SLC1A7: variants seen among roughly 807,000 people sequenced by gnomAD.
SLC1A7 encodes excitatory amino acid transporter 5.
A neutral mutation model predicts 47.7 loss-of-function variants in SLC1A7; 40 were observed. The observed-to-expected ratio is 0.84, with a 90% CI of 0.65 to 1.09. The LOEUF is 1.09. Ranked by LOEUF, SLC1A7 falls within the 50% of genes least tolerant of loss-of-function variation. The probability of loss-of-function intolerance (pLI) is 0.00; values close to 1 mark genes in which losing one functional copy is unlikely to be tolerated. For missense variants in SLC1A7, 746 were observed against 769.5 expected (o/e 0.97, Z 0.36); for synonymous variants, 323 against 325.6 (o/e 0.99, Z 0.09).
intron 5 of SLC1A7, among the ~76,000 whole-genome samples, chr1:53,100,110 G>A (rs1169727836): frequency 2.7e-5 from 4 of 148,208 alleles, no homozygotes; most frequent in East Asian, 4.1e-4. Context: ...ACACCACCTC[G>A]ACACACTCAT....
intron 6 of SLC1A7, 130 bp downstream of exon 6, chr1:53,093,331 G>C: frequency 2.7e-6 from 2 of 738,080 alleles, no homozygotes; most frequent in Non-Finnish European, 4.4e-6. Context: ...TGTAGCTCCG[G>C]AGGCCCCGGC....
At chr1:53,106,254 G>A (rs763308675) in intron 3 of SLC1A7, among the ~76,000 whole-genome samples, 5 of 151,882 alleles carry the variant, frequency 3.3e-5, no homozygotes, top group Admixed American at 6.6e-5. Flanking sequence ...GGCCTAACAC[G>A]GGACCTCGCA....
At chr1:53,106,512 G>A (rs575687747) in intron 3 of SLC1A7, among the ~76,000 whole-genome samples, 21 of 151,480 alleles carry the variant, frequency 1.4e-4, no homozygotes, top group African/African-American at 5.1e-4. Flanking sequence ...GCTGAGGCAG[G>A]AGAATGGCGT....
intron 8 of SLC1A7, chr1:53,090,295 C>A (rs1265817807): frequency 1.8e-6 from 1 of 542,990 alleles, no homozygotes; most frequent in African/African-American, 1.9e-5. Flanking sequence ...CAGGGTCAGA[C>A]CTGTGTGCTT....
chr1:53,106,663 T>C (rs943840549), intron 3 of SLC1A7, among the ~76,000 whole-genome samples: 5 of 150,822 alleles, frequency 3.3e-5, no homozygotes, highest in African/African-American at 1.2e-4. Flanking sequence ...GAAAAGTCCA[T>C]GTAAGCTGTA....
intron 3 of SLC1A7, chr1:53,108,300 A>C: frequency 2.5e-6 from 1 of 407,856 alleles, no homozygotes. Flanking sequence ...CACACGGAGA[A>C]CATTTGGAAG....
intron 5 of SLC1A7, among the ~76,000 whole-genome samples, chr1:53,097,293 A>G (rs1320957677): frequency 1.8e-5 from 2 of 110,072 alleles, no homozygotes; most frequent in African/African-American, 3.6e-5. Context: ...CACTCACACA[A>G]CCCACCTCGG....
At position 53,136,638 on chromosome 1, in the gene SLC1A7, A is replaced by AT. The variant is rs1557693480; in HGVS notation, c.136-2210_136-2209insA. Among the ~76,000 whole-genome samples, 155 of 42,790 alleles carry AT rather than the reference A, an allele frequency of 3.6e-3. 1 individual carries two copies. The highest frequency in any genetic ancestry group is 0.026 in the South Asian group (25 of 948). The allele number at this position is 42,790 out of a possible 152,430, so 28.1% of individuals were successfully genotyped here. The stretch of plus-strand genomic sequence containing the variant: ...TATATATAAACATATATAATATATA[A>AT]AAACATATATATATTATATATATAT... On this transcript the variant is annotated intron_variant, in intron 1 of 10. Coordinates refer to ENST00000371494, the MANE Select transcript of SLC1A7 (RefSeq NM_006671.6).
Position 53,114,809 on chromosome 1 carries a change from T to G in SLC1A7, c.380A>C (p.Gln127Pro), listed in dbSNP as rs1644738757. Residue 127 changes from glutamine (Q) to proline (P), a missense_variant, in exon 3 of 11, where the codon CAG becomes CCG. By Grantham distance (76) the Gln-to-Pro change is moderately conservative. Coordinates refer to ENST00000371494, the MANE Select transcript of SLC1A7 (RefSeq NM_006671.6). ...GSAAQKETTE[Q>P]SGKPIMSSAD... ...TGAGCTCATGATGGGCTTCCCACTC[T>G]GCTCCGTGGTCTCCTTCTGGGCCGC... 1.2e-6 allele frequency: 2 copies of G among 1,614,072 alleles called. No homozygotes were observed. The highest frequency in any genetic ancestry group is 2.7e-5 in the African/African-American group (2 of 74,950).
chr1:53,133,146 C>T (rs754754204), intron 2 of SLC1A7, among the ~76,000 whole-genome samples: 5 of 152,218 alleles, frequency 3.3e-5, no homozygotes, highest in Non-Finnish European at 7.3e-5. Context: ...TAATCAGCTG[C>T]ACCCATGGCT....
chr1:53,106,149 C>A (rs1183299390), intron 3 of SLC1A7, among the ~76,000 whole-genome samples: 2 of 151,792 alleles, frequency 1.3e-5, no homozygotes, highest in Non-Finnish European at 2.9e-5. Context: ...TGCTGCTCCG[C>A]CACACCACCG....
At chr1:53,092,452 G>A in intron 7 of SLC1A7, 102 bp downstream of exon 7, 1 of 832,738 alleles carries the variant, frequency 1.2e-6, no homozygotes, top group Non-Finnish European at 2.0e-6. Flanking sequence ...GGCCACACTG[G>A]CGTTTTGGTG....
intron 5 of SLC1A7, among the ~76,000 whole-genome samples, chr1:53,097,913 C>T (rs1322066267): frequency 7.1e-6 from 1 of 141,148 alleles, no homozygotes; most frequent in Non-Finnish European, 1.6e-5. Flanking sequence ...CACACCCCCA[C>T]CTTGGTATAC....
chr1:53,116,472 G>C (rs1447212284), intron 2 of SLC1A7, among the ~76,000 whole-genome samples: 1 of 152,236 alleles, frequency 6.6e-6, no homozygotes, highest in Non-Finnish European at 1.5e-5. Context: ...GAATGAATGA[G>C]TGTTTACAAT....
At chr1:53,122,169 G>A (rs1007495152) in intron 2 of SLC1A7, among the ~76,000 whole-genome samples, 1 of 152,180 alleles carries the variant, frequency 6.6e-6, no homozygotes, top group Admixed American at 6.5e-5. Context: ...TTGAGAAGTG[G>A]TGACCTCCCA....
At chr1:53,111,009 A>C (rs1037863090) in intron 3 of SLC1A7, among the ~76,000 whole-genome samples, 2 of 152,176 alleles carry the variant, frequency 1.3e-5, no homozygotes, top group Admixed American at 1.3e-4. Context: ...TCCAGGATAC[A>C]GCAGGGAACG....
intron 5 of SLC1A7, among the ~76,000 whole-genome samples, chr1:53,097,562 A>G (rs1288416): frequency 0.64 from 96,162 of 149,572 alleles, 33,392 homozygotes; most frequent in Non-Finnish European, 0.77. Flanking sequence ...GTACAATCAC[A>G]CACACCACCT....
Position 53,088,213 on chromosome 1 carries a change from G to C in SLC1A7, c.1479C>G (p.Cys493Trp). ...RDTGTEKLLPCETKPVSLQEI... is the reference protein window; with the variant it reads ...RDTGTEKLLPWETKPVSLQEI... Reference sequence around the variant, plus strand: ...CCTGGAGGCTCACTGGCTTGGTCTCGCAGGGCAGCAGTTTCTGGTGAAGGG... The same window carrying C: ...CCTGGAGGCTCACTGGCTTGGTCTCCCAGGGCAGCAGTTTCTGGTGAAGGG... Residue 493 changes from cysteine to tryptophan, a missense_variant, in exon 11 of 11, where the codon TGC (cysteine) becomes TGG (tryptophan). Coordinates refer to ENST00000371494, the MANE Select transcript of SLC1A7 (RefSeq NM_006671.6). 1 of 1,607,466 alleles carries C rather than the reference G, an allele frequency of 6.2e-7. No individual in the cohort carries two copies. Among genetic ancestry groups the C allele is most frequent in the South Asian group, 1.1e-5 (1 of 89,776 alleles).
At chr1:53,108,729 G>A (rs1644671987) in intron 3 of SLC1A7, 1 of 709,450 alleles carries the variant, frequency 1.4e-6, no homozygotes, top group African/African-American at 1.8e-5. Context: ...CGGCACACAG[G>A]AGGGCAGGGC....
Sources: gnomAD v4.1 joint callset for allele counts (sites outside exome capture counted in the v4.1 genomes callset) on GRCh38, gnomAD v4.1.1 for gene constraint, MANE v1.5 for transcripts, NCBI Gene and HGNC (gene_info 2026-07-23, HGNC 2026-07-21) for gene names.